The following MRPS9 variants were observed in gnomAD, a reference collection of about 807,000 sequenced individuals.
MRPS9 encodes the protein small ribosomal subunit protein uS9m.
MRPS9 carries 45 observed loss-of-function variants against 59.9 expected under a neutral mutation model. The ratio of observed to expected loss-of-function variants is 0.75; its 90% CI spans 0.59 to 0.96. The LOEUF (loss-of-function observed/expected upper bound fraction) is 0.96. Ranked by LOEUF, MRPS9 falls within the 40% of genes least tolerant of loss-of-function variation. The pLI, the probability that MRPS9 is intolerant of heterozygous loss-of-function variation, is 0.00. For missense variants in MRPS9, 473 were observed against 481.1 expected (o/e 0.98, Z 0.16); for synonymous variants, 171 against 166.8 (o/e 1.03, Z -0.19).
chr2:105,093,621 C>A lies in MRPS9; in HGVS notation c.912C>A (p.Phe304Leu), dbSNP rs746724738. The A allele has an allele frequency of 5.6e-6, 9 of 1,600,828 alleles. No individual in the cohort carries two copies. The Admixed American group carries it at 1.4e-4, about 24-fold the overall frequency. ...ATGGAATTGATTACCAGCTTTACTTCCCGATCACACAGGACAGGTTCGTTT... is the reference window on the plus strand; with the variant it reads ...ATGGAATTGATTACCAGCTTTACTTACCGATCACACAGGACAGGTTCGTTT... ...KVNGIDYQLY[F>L]PITQDREQLM... Residue 304 changes from phenylalanine to leucine, a missense_variant, in exon 9 of 11, where the codon TTC becomes TTA. Coordinates refer to ENST00000258455, the MANE Select transcript of MRPS9 (RefSeq NM_182640.3).
intron 4 of MRPS9, among the ~76,000 whole-genome samples, chr2:105,073,661 T>C (rs999399560): frequency 6.6e-6 from 1 of 152,170 alleles, no homozygotes; most frequent in African/African-American, 2.4e-5. Context: ...GATAAAAATA[T>C]TAAGTGAAAC....
At chr2:105,068,175 A>G (rs1313115270) in intron 2 of MRPS9, among the ~76,000 whole-genome samples, 1 of 152,194 alleles carries the variant, frequency 6.6e-6, no homozygotes, top group African/African-American at 2.4e-5. Flanking sequence ...CTAAAGTTCC[A>G]TTCCTTTATG....
At chr2:105,049,024 T>G in intron 1 of MRPS9, 147 bp from the exon 2 acceptor site, 1 of 586,814 alleles carries the variant, frequency 1.7e-6, no homozygotes, top group Admixed American at 3.5e-5. Context: ...TAGCAGGTCC[T>G]TTAAACTTGC....
At chr2:105,083,917 A>G (rs534185332) in intron 5 of MRPS9, among the ~76,000 whole-genome samples, 1 of 152,216 alleles carries the variant, frequency 6.6e-6, no homozygotes, top group African/African-American at 2.4e-5. Flanking sequence ...ACCATAGTAC[A>G]GAATATTGAA....
chr2:105,040,178 G>A (rs1227288019), intron 1 of MRPS9, among the ~76,000 whole-genome samples: 1 of 151,754 alleles, frequency 6.6e-6, no homozygotes, highest in Non-Finnish European at 1.5e-5. Context: ...TTTTATCGTG[G>A]TGCAGAGCTT....
intron 10 of MRPS9, among the ~76,000 whole-genome samples, chr2:105,098,995 T>C (rs969812385): frequency 2.0e-5 from 3 of 151,236 alleles, no homozygotes; most frequent in African/African-American, 4.9e-5. Context: ...TAATCACTCC[T>C]GATGATTGGG....
chr2:105,099,548 T>G, intron 10 of MRPS9, 122 bp from the exon 11 acceptor site: 1 of 758,248 alleles, frequency 1.3e-6, no homozygotes, highest in East Asian at 2.8e-5. Context: ...TTATTACTGG[T>G]CTGGTTGCTT....
chr2:105,077,583 A>G (rs1320592637), intron 4 of MRPS9, among the ~76,000 whole-genome samples: 1 of 152,242 alleles, frequency 6.6e-6, no homozygotes, highest in Non-Finnish European at 1.5e-5. Flanking sequence ...ATACATAGGT[A>G]AATGCACAGA....
intron 2 of MRPS9, among the ~76,000 whole-genome samples, chr2:105,062,133 G>T (rs1407051005): frequency 6.6e-6 from 1 of 151,824 alleles, no homozygotes; most frequent in African/African-American, 2.4e-5. Context: ...ACACACTTCT[G>T]TTACACACAC....
chr2:105,078,468 A>G (rs1680259336), intron 4 of MRPS9, among the ~76,000 whole-genome samples: 1 of 152,198 alleles, frequency 6.6e-6, no homozygotes, highest in Middle Eastern at 3.4e-3. Context: ...TTTCTGACGG[A>G]CTAACCATAC....
intron 2 of MRPS9, among the ~76,000 whole-genome samples, chr2:105,061,627 C>A (rs1388128985): frequency 6.6e-6 from 1 of 152,156 alleles, no homozygotes; most frequent in Non-Finnish European, 1.5e-5. Context: ...GGTGATAGTG[C>A]CCCATTCCTC....
chr2:105,056,957 A>C (rs1276262383), intron 2 of MRPS9, among the ~76,000 whole-genome samples: 4 of 151,718 alleles, frequency 2.6e-5, no homozygotes, highest in Non-Finnish European at 5.9e-5. Flanking sequence ...ATATTTCAGA[A>C]TTTTTTTTTC....
intron 2 of MRPS9, among the ~76,000 whole-genome samples, chr2:105,054,418 G>A (rs1679764605): frequency 6.6e-6 from 1 of 152,116 alleles, no homozygotes; most frequent in Non-Finnish European, 1.5e-5. Flanking sequence ...TCTCCTGTAG[G>A]TTGATATTGT....
At chr2:105,061,854 T>C (rs957188664) in intron 2 of MRPS9, among the ~76,000 whole-genome samples, 2 of 152,172 alleles carry the variant, frequency 1.3e-5, no homozygotes, top group African/African-American at 4.8e-5. Context: ...TCATTTTGCT[T>C]TGTTGGTTTT....
intron 2 of MRPS9, among the ~76,000 whole-genome samples, chr2:105,052,650 C>G (rs536043759): frequency 1.3e-5 from 2 of 152,226 alleles, no homozygotes; most frequent in South Asian, 4.2e-4. Flanking sequence ...AGGAAGTGTT[C>G]TCTCCTCTTC....
intron 5 of MRPS9, among the ~76,000 whole-genome samples, chr2:105,083,607 A>C (rs111448374): frequency 0.014 from 2,073 of 152,350 alleles, 50 homozygotes; most frequent in African/African-American, 0.048. Flanking sequence ...ACCCTTTTGT[A>C]AAACATGGCT....
chr2:105,060,335 G>A (rs1679876462), intron 2 of MRPS9, among the ~76,000 whole-genome samples: 1 of 152,196 alleles, frequency 6.6e-6, no homozygotes, highest in Non-Finnish European at 1.5e-5. Context: ...AGGCTGGAGT[G>A]TAGTGGTGCA....
chr2:105,068,909 T>C (rs1007434964), intron 2 of MRPS9, among the ~76,000 whole-genome samples: 1 of 152,244 alleles, frequency 6.6e-6, no homozygotes, highest in African/African-American at 2.4e-5. Context: ...TAACACGTGC[T>C]TATGTTCTTT....
chr2:105,070,432 T>C (rs949687885), intron 2 of MRPS9, among the ~76,000 whole-genome samples: 4 of 152,168 alleles, frequency 2.6e-5, no homozygotes, highest in Non-Finnish European at 4.4e-5. Flanking sequence ...CCAGCACATT[T>C]ACTATGCGGG....
Sources: gnomAD v4.1 joint callset for allele counts (sites outside exome capture counted in the v4.1 genomes callset) on GRCh38, gnomAD v4.1.1 for gene constraint, MANE v1.5 for transcripts, NCBI Gene and HGNC (gene_info 2026-07-23, HGNC 2026-07-21) for gene names.